XXYLT1: variants seen among roughly 807,000 people sequenced by gnomAD.
The protein encoded by XXYLT1 is xyloside xylosyltransferase 1.
A neutral mutation model predicts 28.9 loss-of-function variants in XXYLT1; 20 were observed. The ratio of observed to expected loss-of-function variants is 0.69; its 90% CI spans 0.49 to 1.00. XXYLT1 has a LOEUF of 1.00. XXYLT1 is among the 50% of genes least tolerant of loss of function. XXYLT1 has a pLI of 0.00. For synonymous variants in XXYLT1, 257 were observed against 253.8 expected (o/e 1.01, Z -0.12); for missense variants, 542 against 560.1 (o/e 0.97, Z 0.33).
chr3:195,145,324 G>A (rs1478025102), intron 3 of XXYLT1, among the ~76,000 whole-genome samples: 1 of 151,524 alleles, frequency 6.6e-6, no homozygotes, highest in Non-Finnish European at 1.5e-5. Flanking sequence ...GGCCCTGCGA[G>A]CATCTCTGTG....
At chr3:195,216,671 T>C (rs1723589026) in intron 2 of XXYLT1, among the ~76,000 whole-genome samples, 1 of 151,220 alleles carries the variant, frequency 6.6e-6, no homozygotes, top group South Asian at 2.1e-4. Context: ...CAATAATCAA[T>C]AGCTTACCAA....
rs1274877194 is a variant in XXYLT1 at position 195,143,867 on chromosome 3, TATAG to T, written c.785+12578_785+12581del. ...AGATATATATATAGATATATATAGA[TATAG>T]ATATATATATATATATATTTATTTT... On this transcript the variant is annotated intron_variant, in intron 3 of 3. Coordinates refer to ENST00000310380, the MANE Select transcript of XXYLT1 (RefSeq NM_152531.5). Among the ~76,000 whole-genome samples the T allele has an allele frequency of 1.5e-4, 14 of 91,808 alleles. 1 individual carries two copies. Among genetic ancestry groups the T allele is most frequent in the South Asian group, 1.3e-3 (3 of 2,262 alleles). The allele number at this position is 91,808 out of a possible 152,430, so 60.2% of individuals were successfully genotyped here.
intron 2 of XXYLT1, among the ~76,000 whole-genome samples, chr3:195,197,360 C>G (rs533660735): frequency 1.3e-5 from 2 of 151,538 alleles, no homozygotes; most frequent in Admixed American, 1.3e-4. Flanking sequence ...TCACTTGAAC[C>G]TGGGAGGCAG....
chr3:195,194,846 T>C (rs779222337), intron 2 of XXYLT1, among the ~76,000 whole-genome samples: 44 of 152,160 alleles, frequency 2.9e-4, no homozygotes, highest in Non-Finnish European at 5.1e-4. Flanking sequence ...TACATGAAAT[T>C]ACCAGAAAGG....
chr3:195,082,180 G>A (rs1715472207), intron 3 of XXYLT1, among the ~76,000 whole-genome samples: 3 of 152,236 alleles, frequency 2.0e-5, no homozygotes, highest in African/African-American at 7.2e-5. Context: ...TGGGACCTCA[G>A]CAGTGTGCTG....
chr3:195,187,050 G>A (rs1232268825), intron 2 of XXYLT1, among the ~76,000 whole-genome samples: 9 of 150,786 alleles, frequency 6.0e-5, no homozygotes, highest in East Asian at 2.0e-4. Context: ...GCCCACCACC[G>A]TGCCCAGCTA....
chr3:195,185,087 AAGGAAGGAAGG>A (rs57185210), intron 2 of XXYLT1, among the ~76,000 whole-genome samples: 3,033 of 55,064 alleles, frequency 0.055, 103 homozygotes, highest in East Asian at 0.15. Context: ...AAGAAGGAAG[AAGGAAGGAAGG>A]AAGGAAGGAA....
At chr3:195,225,209 C>A (rs1040171566) in intron 2 of XXYLT1, among the ~76,000 whole-genome samples, 12 of 152,196 alleles carry the variant, frequency 7.9e-5, no homozygotes, top group African/African-American at 2.9e-4. Flanking sequence ...AATGCTAGAT[C>A]TTCACCCTAG....
At chr3:195,202,047 T>G (rs9877006) in intron 2 of XXYLT1, among the ~76,000 whole-genome samples, 134 of 151,384 alleles carry the variant, frequency 8.9e-4, no homozygotes, top group African/African-American at 1.9e-3. Flanking sequence ...TGTGGTGGTG[T>G]GCACCTGTAA....
intron 2 of XXYLT1, among the ~76,000 whole-genome samples, chr3:195,178,695 G>T (rs910411912): frequency 6.6e-6 from 1 of 152,148 alleles, no homozygotes; most frequent in Admixed American, 6.5e-5. Flanking sequence ...CCTGGGCCCC[G>T]TACTTGAGGG....
At chr3:195,110,337 A>ACGTGGTGTATGCGTGTGGTG (rs1178063940) in intron 3 of XXYLT1, among the ~76,000 whole-genome samples, 4 of 2,198 alleles carry the variant, frequency 1.8e-3, no homozygotes, top group Non-Finnish European at 6.7e-3. Context: ...AGGTGTGTGT[A>ACGTGGTGTATGCGTGTGGTG]TGTGTGTGGT....
At chr3:195,208,859 C>T (rs1286096877) in intron 2 of XXYLT1, among the ~76,000 whole-genome samples, 2 of 152,072 alleles carry the variant, frequency 1.3e-5, no homozygotes, top group Non-Finnish European at 2.9e-5. Flanking sequence ...GCCACGACAC[C>T]CAGCAGGGGG....
chr3:195,081,257 T>G (rs1488573677), intron 3 of XXYLT1, among the ~76,000 whole-genome samples: 1 of 151,606 alleles, frequency 6.6e-6, no homozygotes, highest in Non-Finnish European at 1.5e-5. Context: ...TATAAAGAGA[T>G]GAAAGCCACT....
intron 2 of XXYLT1, among the ~76,000 whole-genome samples, chr3:195,167,050 T>TGCA (rs1424497874): frequency 6.6e-6 from 1 of 152,238 alleles, no homozygotes; most frequent in African/African-American, 2.4e-5. Context: ...ACGCAGGCTG[T>TGCA]GCATCTTTGT....
chr3:195,147,476 A>G lies in XXYLT1; in HGVS notation c.785+8973T>C, dbSNP rs574729368. Among the ~76,000 whole-genome samples, 6 of 152,324 alleles carry G rather than the reference A, an allele frequency of 3.9e-5. No homozygotes were observed. The South Asian group carries it at 1.0e-3, about 26-fold the overall frequency. The stretch of plus-strand genomic sequence containing the variant: ...TCTCAGCTACTTGGGAGGCTGAGGC[A>G]GGAGAATCGCTTGAACCCGGGAGGC... On this transcript the variant is annotated intron_variant, in intron 3 of 3. Transcript: ENST00000310380.
intron 2 of XXYLT1, among the ~76,000 whole-genome samples, chr3:195,157,472 G>T (rs1262727622): frequency 6.6e-6 from 1 of 152,178 alleles, no homozygotes; most frequent in Non-Finnish European, 1.5e-5. Context: ...TAAAAGACAG[G>T]ATGAGCCCAG....
At chr3:195,110,208 G>C (rs1717464968) in intron 3 of XXYLT1, among the ~76,000 whole-genome samples, 5 of 64,124 alleles carry the variant, frequency 7.8e-5, no homozygotes, top group African/African-American at 1.8e-4. Flanking sequence ...TATGTGTGGT[G>C]TGTGCGTGTG....
chr3:195,203,327 T>A (rs1223372968), intron 2 of XXYLT1, among the ~76,000 whole-genome samples: 1 of 152,008 alleles, frequency 6.6e-6, no homozygotes, highest in East Asian at 1.9e-4. Context: ...TGAAAGGAGA[T>A]CCAATTTCAC....
At chr3:195,102,931 G>A (rs779916202) in intron 3 of XXYLT1, among the ~76,000 whole-genome samples, 2 of 152,062 alleles carry the variant, frequency 1.3e-5, no homozygotes, top group African/African-American at 2.4e-5. Context: ...TCCTACCAAC[G>A]GTGCAGCGTG....
Sources: gnomAD v4.1 joint callset for allele counts (sites outside exome capture counted in the v4.1 genomes callset) on GRCh38, gnomAD v4.1.1 for gene constraint, MANE v1.5 for transcripts, NCBI Gene and HGNC (gene_info 2026-07-23, HGNC 2026-07-21) for gene names.